The following SERINC2 variants were observed in gnomAD, a reference collection of about 807,000 sequenced individuals.
SERINC2 encodes serine incorporator 2.
A neutral mutation model predicts 54.2 loss-of-function variants in SERINC2; 56 were observed. The ratio of observed to expected loss-of-function variants is 1.03; its 90% CI spans 0.83 to 1.29. The LOEUF (loss-of-function observed/expected upper bound fraction) is 1.29, where lower values mean the gene tolerates loss of function less well. Among genes scored for constraint, SERINC2 ranks in the 50% most tolerant of loss-of-function variants. The pLI is 0.00. For missense variants in SERINC2, 614 were observed against 607.4 expected (o/e 1.01, Z -0.12); for synonymous variants, 272 against 253.1 (o/e 1.07, Z -0.71).
intron 6 of SERINC2, among the ~76,000 whole-genome samples, chr1:31,428,428 G>A (rs1310671868): frequency 6.6e-6 from 1 of 152,176 alleles, no homozygotes; most frequent in African/African-American, 2.4e-5. Context: ...AGGGGACTAG[G>A]CCCAGTGAGG....
At chr1:31,418,637 A>G (rs1640836486) in intron 1 of SERINC2, among the ~76,000 whole-genome samples, 1 of 152,168 alleles carries the variant, frequency 6.6e-6, no homozygotes, top group Admixed American at 6.5e-5. Context: ...GGCTTCTCAA[A>G]GTGCTGGGAT....
chr1:31,428,509 G>T (rs1641103028), intron 6 of SERINC2, among the ~76,000 whole-genome samples: 1 of 152,124 alleles, frequency 6.6e-6, no homozygotes, highest in Non-Finnish European at 1.5e-5. Context: ...GCTGGCAGGT[G>T]CAGGGCTGCC....
At chr1:31,417,385 G>C (rs2148512960) in intron 1 of SERINC2, among the ~76,000 whole-genome samples, 1 of 152,240 alleles carries the variant, frequency 6.6e-6, no homozygotes, top group East Asian at 1.9e-4. Context: ...CCACTTCCGT[G>C]ACCTCTGTAG....
intron 8 of SERINC2, 121 bp from the exon 9 acceptor site, chr1:31,432,846 T>G (rs782465772): frequency 3.3e-5 from 24 of 718,220 alleles, no homozygotes; most frequent in Non-Finnish European, 5.6e-5. Context: ...GCAAAGCAGT[T>G]TGTTAACTCC....
intron 8 of SERINC2, among the ~76,000 whole-genome samples, chr1:31,431,300 A>G (rs1408133651): frequency 3.1e-5 from 3 of 96,396 alleles, no homozygotes; most frequent in Admixed American, 1.5e-4. Flanking sequence ...ACTTAAAAAA[A>G]CATTTTTTTT....
In SERINC2 at chr1:31,434,355, G is replaced by C; in HGVS notation, c.*156G>C. ...TGCCCCTGAGCCGGGCCTTCTAGTC[G>C]TAGTGCCTTCAGGGTCCGAGGAGCA... On this transcript the variant is annotated 3_prime_UTR_variant, in exon 10 of 10. Coordinates refer to ENST00000373709, the MANE Select transcript of SERINC2 (RefSeq NM_178865.5). 1.4e-6 allele frequency: 1 copy of C among 721,650 alleles called. No homozygotes were observed. Among genetic ancestry groups the C allele is most frequent in the South Asian group, 1.8e-5 (1 of 55,688 alleles). The allele number at this position is 721,650 out of a possible 1,614,324, so 44.7% of individuals were successfully genotyped here.
rs782394901 is a variant in SERINC2 at position 31,423,782 on chromosome 1, G to A, written c.129G>A (p.Thr43=). The part of the protein sequence containing the change: ...RNSTVSRLIF[T]FFLFLGVLVS... ...CCACCGTGAGCCGCCTCATCTTCAC[G>A]TTCTTCCTCTTCCTGGGGGTGCTGG... Residue 43 remains threonine, a synonymous_variant, in exon 2 of 10, where the codon ACG becomes ACA. Coordinates refer to ENST00000373709, the MANE Select transcript of SERINC2 (RefSeq NM_178865.5). 71 of 1,613,908 alleles carry A rather than the reference G, an allele frequency of 4.4e-5. No homozygotes were observed. Among genetic ancestry groups the A allele is most frequent in the Non-Finnish European group, 5.9e-5 (70 of 1,180,030 alleles).
At chr1:31,426,240 T>A (rs1190422930) in intron 5 of SERINC2, among the ~76,000 whole-genome samples, 1 of 152,124 alleles carries the variant, frequency 6.6e-6, no homozygotes, top group African/African-American at 2.4e-5. Context: ...ACCTGGTCCC[T>A]GAAACCCCAG....
At chr1:31,432,500 A>T (rs1415049486) in intron 8 of SERINC2, among the ~76,000 whole-genome samples, 2 of 152,138 alleles carry the variant, frequency 1.3e-5, no homozygotes, top group Non-Finnish European at 2.9e-5. Context: ...ATGGAAACTT[A>T]AAATCAATGG....
In SERINC2 at chr1:31,413,896, C is replaced by CCCGTCCGT. The variant is rs1640708631; in HGVS notation, c.39+595_39+602dup. The CCCGTCCGT allele has an allele frequency of 2.1e-6, 3 of 1,405,564 alleles. No individual in the cohort carries two copies. The highest frequency in any genetic ancestry group is 2.8e-6 in the Non-Finnish European group (3 of 1,076,158). The allele number at this position is 1,405,564 out of a possible 1,614,324, so 87.1% of individuals were successfully genotyped here. A position where few individuals can be genotyped will look rare whatever the true frequency, so the allele number is the denominator to read the frequency against. ...TGTCTTCTGTCCGTCTGCCCGTCCG[C>CCCGTCCGT]CCGTCCGTCCCTCAGTCTCTCTGCG... is the stretch of plus-strand genomic sequence containing the variant. On this transcript the variant is annotated intron_variant, in intron 1 of 9. Transcript: ENST00000373709. The surrounding 1 kb of genome is among the most constrained non-coding windows in gnomAD (Gnocchi z 5.0).
intron 8 of SERINC2, among the ~76,000 whole-genome samples, chr1:31,432,316 T>G (rs111490467): frequency 7.9e-5 from 12 of 151,754 alleles, no homozygotes; most frequent in African/African-American, 2.9e-4. Flanking sequence ...CACTTTTGTT[T>G]GGAAACGTGA....
At chr1:31,433,993 A>AT in intron 9 of SERINC2, 71 bp from the exon 10 acceptor site, 2 of 1,531,094 alleles carry the variant, frequency 1.3e-6, no homozygotes, top group Non-Finnish European at 1.8e-6. Context: ...TAACTGGGAC[A>AT]TAAGGCCAGG....
At chr1:31,422,630 G>A (rs1377930493) in intron 1 of SERINC2, among the ~76,000 whole-genome samples, 1 of 152,184 alleles carries the variant, frequency 6.6e-6, no homozygotes, top group East Asian at 1.9e-4. Flanking sequence ...GCTTGTGTAA[G>A]CTCCAGGAAG....
chr1:31,426,946 C>A, intron 6 of SERINC2, 123 bp downstream of exon 6: 1 of 827,630 alleles, frequency 1.2e-6, no homozygotes, highest in South Asian at 1.8e-5. Flanking sequence ...TGTGTGGGCT[C>A]CCAGGTCAGC....
At chr1:31,425,164 G>C (rs1641004950) in intron 3 of SERINC2, among the ~76,000 whole-genome samples, 166 bp from the exon 4 acceptor site, 1 of 152,080 alleles carries the variant, frequency 6.6e-6, no homozygotes, top group African/African-American at 2.4e-5. Flanking sequence ...GTTTTTTCCA[G>C]GGCCAGGAGA....
chr1:31,413,940 G>A lies in SERINC2; in HGVS notation c.39+636G>A. On this transcript the variant is annotated intron_variant, in intron 1 of 9. Coordinates refer to ENST00000373709, the MANE Select transcript of SERINC2 (RefSeq NM_178865.5). The surrounding 1 kb of genome is among the most constrained non-coding windows in gnomAD (Gnocchi z 5.0). ...CTCTGCGGTCCCTTTACCGTCCTCA[G>A]TCTGGCTCGCGCTGCCTCTCAGGCA... 1.3e-6 allele frequency: 2 copies of A among 1,524,506 alleles called. No homozygotes were observed. Among genetic ancestry groups the A allele is most frequent in the Non-Finnish European group, 1.8e-6 (2 of 1,142,324 alleles). The allele number at this position is 1,524,506 out of a possible 1,614,324, so 94.4% of individuals were successfully genotyped here.
chr1:31,433,920 G>A (rs1314567911), intron 9 of SERINC2, 144 bp from the exon 10 acceptor site: 11 of 811,356 alleles, frequency 1.4e-5, no homozygotes, highest in Admixed American at 2.3e-5. Flanking sequence ...AAGGCCGGGT[G>A]TTAAAAATGT....
chr1:31,431,813 A>AGAGGGTGGATAGGATGGT (rs1641226770), intron 8 of SERINC2, among the ~76,000 whole-genome samples: 1 of 75,014 alleles, frequency 1.3e-5, no homozygotes, highest in Non-Finnish European at 3.8e-5. Flanking sequence ...GACAGGGTGG[A>AGAGGGTGGATAGGATGGT]CAGGGTGGAT....
At chr1:31,425,621 C>T (rs1178631682) in intron 4 of SERINC2, among the ~76,000 whole-genome samples, 155 bp from the exon 5 acceptor site, 1 of 152,190 alleles carries the variant, frequency 6.6e-6, no homozygotes, top group Non-Finnish European at 1.5e-5. Context: ...TGCCCCGACC[C>T]ATATCCTGCC....
Sources: allele counts gnomAD v4.1 joint callset (sites outside exome capture counted in the v4.1 genomes callset), GRCh38; gene constraint gnomAD v4.1.1; non-coding constraint Gnocchi (gnomAD v3.1); transcripts MANE v1.5; gene names NCBI Gene and HGNC (gene_info 2026-07-23, HGNC 2026-07-21).